Variants in HSPA1B observed in about 807,000 individuals in gnomAD.
HSPA1B encodes the protein heat shock protein family A (Hsp70) member 1B.
A neutral mutation model predicts 9.0 loss-of-function variants in HSPA1B; 7 were observed. The observed-to-expected ratio is 0.78, with a 90% CI of 0.44 to 1.46. The LOEUF (loss-of-function observed/expected upper bound fraction) is 1.46. Among genes scored for constraint, HSPA1B ranks in the 40% most tolerant of loss-of-function variants. The pLI is 0.01. For synonymous variants in HSPA1B, 125 were observed against 184.5 expected (o/e 0.68, Z 2.61); for missense variants, 199 against 424.5 (o/e 0.47, Z 4.67).
rs1324588594 is a variant in HSPA1B at position 31,827,798 on chromosome 6, C to T, written c.-153C>T. 9.4e-6 allele frequency: 14 copies of T among 1,496,982 alleles called. No individual in the cohort carries two copies. Among genetic ancestry groups the T allele is most frequent in the East Asian group, 2.4e-5 (1 of 41,054 alleles). 92.7% of individuals were successfully genotyped at this position (1,496,982 alleles called of 1,614,324 possible). On this transcript the variant is annotated 5_prime_UTR_variant, in exon 1 of 1. Coordinates refer to ENST00000375650, the MANE Select transcript of HSPA1B (RefSeq NM_005346.6). ...CTTCGTCTTTCGAGAGTGACTCCCG[C>T]GGTCCCAAGGCTTTCCAGAGCGAAC... is the stretch of plus-strand genomic sequence containing the variant.
chr6:31,828,310 G>A lies in HSPA1B; in HGVS notation c.360G>A (p.Ser120=). ...AGGCATTCTACCCCGAGGAGATCTCGTCCATGGTGCTGACCAAGATGAAGG... is the reference window on the plus strand; with the variant it reads ...AGGCATTCTACCCCGAGGAGATCTCATCCATGGTGCTGACCAAGATGAAGG... ...ETKAFYPEEI[S]SMVLTKMKEI... The change falls in exon 1 of 1, where the codon TCG becomes TCA. Residue 120 remains serine (S), a synonymous_variant. Transcript: ENST00000375650. 1.9e-6 allele frequency: 1 copy of A among 527,954 alleles called. No individual in the cohort carries two copies. Among genetic ancestry groups the A allele is most frequent in the African/African-American group, 5.8e-5 (1 of 17,314 alleles). 32.7% of individuals were successfully genotyped at this position (527,954 alleles called of 1,614,324 possible). A position where few individuals can be genotyped will look rare whatever the true frequency, so the allele number is the denominator to read the frequency against.
rs11576013 is a variant in HSPA1B, at chr6:31,827,784, G to C, written c.-167G>C. Reference sequence around the variant, plus strand: ...GCTGCGAGGGTCCGCTTCGTCTTTCGAGAGTGACTCCCGCGGTCCCAAGGC... The same window carrying C: ...GCTGCGAGGGTCCGCTTCGTCTTTCCAGAGTGACTCCCGCGGTCCCAAGGC... On this transcript the variant is annotated 5_prime_UTR_variant, in exon 1 of 1. Coordinates refer to ENST00000375650, the MANE Select transcript of HSPA1B (RefSeq NM_005346.6). The C allele has an allele frequency of 0.02, 29,069 of 1,442,108 alleles. 678 individuals are homozygous for C. The highest frequency in any genetic ancestry group is 0.082 in the East Asian group (3,330 of 40,518). The allele number at this position is 1,442,108 out of a possible 1,614,324, so 89.3% of individuals were successfully genotyped here.
In HSPA1B at chr6:31,829,980, T is replaced by G. The variant is rs1816919911; in HGVS notation, c.*104T>G. The G allele has an allele frequency of 7.1e-6, 10 of 1,405,578 alleles. No individual in the cohort carries two copies. Among genetic ancestry groups the G allele is most frequent in the African/African-American group, 1.8e-5 (1 of 54,448 alleles). The allele number at this position is 1,405,578 out of a possible 1,614,324, so 87.1% of individuals were successfully genotyped here. A position where few individuals can be genotyped will look rare whatever the true frequency, so the allele number is the denominator to read the frequency against. ...ATTTCTGCTTCAGCTCTTTGCTGCTTCACTTCTTTGTAAAGTTGTAACCTG... is the reference window on the plus strand; with the variant it reads ...ATTTCTGCTTCAGCTCTTTGCTGCTGCACTTCTTTGTAAAGTTGTAACCTG... On this transcript the variant is annotated 3_prime_UTR_variant, in exon 1 of 1. Transcript: ENST00000375650.
In HSPA1B at chr6:31,830,146, GTTTTTTT is replaced by G. The variant is rs9279427; in HGVS notation, c.*288_*294del. 225 of 83,940 alleles carry G rather than the reference GTTTTTTT, an allele frequency of 2.7e-3. No homozygotes were observed. Among genetic ancestry groups the G allele is most frequent in the Middle Eastern group, 8.1e-3 (1 of 124 alleles). 5.2% of individuals were successfully genotyped at this position (83,940 alleles called of 1,614,324 possible). A position where few individuals can be genotyped will look rare whatever the true frequency, so the allele number is the denominator to read the frequency against. ...TGCCACCTTCTGTACGAGTTTGTTT[GTTTTTTT>G]TTTTTTTTTTTTTTTTTGCTTGGCG... On this transcript the variant is annotated 3_prime_UTR_variant, in exon 1 of 1. Coordinates refer to ENST00000375650, the MANE Select transcript of HSPA1B (RefSeq NM_005346.6).
At position 31,829,859 on chromosome 6, in the gene HSPA1B, A is replaced by G. The variant is rs1323733082; in HGVS notation, c.1909A>G (p.Ile637Val). The G allele has an allele frequency of 1.9e-6, 3 of 1,612,550 alleles. No individual in the cohort carries two copies. The highest frequency in any genetic ancestry group is 1.7e-5 in the Admixed American group (1 of 59,938). ...PKGGSGSGPT[I>V]EEVD is the part of the protein sequence containing the mutation. ...GGGAGGGTCTGGGTCAGGCCCTACC[A>G]TTGAGGAGGTGGATTAGGGGCCTTT... is the stretch of plus-strand genomic sequence containing the variant. Residue 637 changes from isoleucine to valine, a missense_variant, in exon 1 of 1, where the codon ATT becomes GTT. By Grantham distance (29) the Ile-to-Val change is conservative (BLOSUM62 3). Around this residue, in one of 5 missense-constraint regions of HSPA1B, gnomAD observed 67 missense variants for 106.4 expected, o/e 0.63. Transcript: ENST00000375650.
Position 31,830,103 on chromosome 6 carries a change from CT to C in HSPA1B, c.*230del. The C allele has an allele frequency of 2.0e-6, 1 of 489,750 alleles. No individual in the cohort carries two copies. 30.3% of individuals were successfully genotyped at this position (489,750 alleles called of 1,614,324 possible). A position where few individuals can be genotyped will look rare whatever the true frequency, so the allele number is the denominator to read the frequency against. On this transcript the variant is annotated 3_prime_UTR_variant, in exon 1 of 1. Coordinates refer to ENST00000375650, the MANE Select transcript of HSPA1B (RefSeq NM_005346.6). Reference sequence around the variant, plus strand: ...TGATACTGTAAGGGTGTTTCGTTCCCTTTAAATGAATCAACACTGCCACCTT... The same window carrying C: ...TGATACTGTAAGGGTGTTTCGTTCCCTTAAATGAATCAACACTGCCACCTT...
chr6:31,830,081 T>TA lies in HSPA1B; in HGVS notation c.*206dup, dbSNP rs1360431140. The stretch of plus-strand genomic sequence containing the variant: ...TAGAATTCTTTGCATTTAATGTTGA[T>TA]ACTGTAAGGGTGTTTCGTTCCCTTT... On this transcript the variant is annotated 3_prime_UTR_variant, in exon 1 of 1. Coordinates refer to ENST00000375650, the MANE Select transcript of HSPA1B (RefSeq NM_005346.6). 5 of 653,728 alleles carry TA rather than the reference T, an allele frequency of 7.6e-6. No individual in the cohort carries two copies. The East Asian group carries it at 1.1e-4, about 15-fold the overall frequency. 40.5% of individuals were successfully genotyped at this position (653,728 alleles called of 1,614,324 possible).
In HSPA1B at chr6:31,828,237, A is replaced by G. The variant is rs1816833451; in HGVS notation, c.287A>G (p.Asn96Ser). 1 of 929,892 alleles carries G rather than the reference A, an allele frequency of 1.1e-6. No homozygotes were observed. The highest frequency in any genetic ancestry group is 2.5e-5 in the African/African-American group (1 of 40,190). 57.6% of individuals were successfully genotyped at this position (929,892 alleles called of 1,614,324 possible). ...DMKHWPFQVI[N>S]DGDKPKVQVS... ...AAGCACTGGCCTTTCCAGGTGATCA[A>G]CGACGGAGACAAGCCCAAGGTGCAG... Residue 96 changes from asparagine (N) to serine (S), a missense_variant, in exon 1 of 1, where the codon AAC becomes AGC. Asn to Ser is a conservative substitution (Grantham distance 46). Around this residue, in one of 5 missense-constraint regions of HSPA1B, gnomAD observed 49 missense variants for 40.0 expected, o/e 1.23. Coordinates refer to ENST00000375650, the MANE Select transcript of HSPA1B (RefSeq NM_005346.6).
chr6:31,830,107 AAATG>A lies in HSPA1B; in HGVS notation c.*235_*238del. On this transcript the variant is annotated 3_prime_UTR_variant, in exon 1 of 1. Coordinates refer to ENST00000375650, the MANE Select transcript of HSPA1B (RefSeq NM_005346.6). Reference sequence around the variant, plus strand: ...ACTGTAAGGGTGTTTCGTTCCCTTTAAATGAATCAACACTGCCACCTTCTGTACG... The same window carrying A: ...ACTGTAAGGGTGTTTCGTTCCCTTTAAATCAACACTGCCACCTTCTGTACG... 1 of 495,030 alleles carries A rather than the reference AAATG, an allele frequency of 2.0e-6. No homozygotes were observed. Among genetic ancestry groups the A allele is most frequent in the Non-Finnish European group, 3.5e-6 (1 of 282,318 alleles). The allele number at this position is 495,030 out of a possible 1,614,324, so 30.7% of individuals were successfully genotyped here. A position where few individuals can be genotyped will look rare whatever the true frequency, so the allele number is the denominator to read the frequency against.
In HSPA1B at chr6:31,829,772, A is replaced by C. The variant is rs1458733792; in HGVS notation, c.1822A>C (p.Ser608Arg). ...ELEQVCNPII[S>R]GLYQGAGGPG... The stretch of plus-strand genomic sequence containing the variant: ...GGAGCAGGTGTGTAACCCCATCATC[A>C]GCGGACTGTACCAGGGTGCCGGTGG... The change falls in exon 1 of 1, where the codon AGC (serine) becomes CGC (arginine). Residue 608 changes from serine to arginine, a missense_variant. Ser to Arg is a moderately radical substitution (Grantham distance 110). This residue lies in a region of HSPA1B where 67 missense variants were observed against 106.4 expected (regional missense o/e 0.63). Transcript: ENST00000375650. The C allele has an allele frequency of 1.2e-6, 2 of 1,612,510 alleles. No homozygotes were observed. Among genetic ancestry groups the C allele is most frequent in the Non-Finnish European group, 1.7e-6 (2 of 1,179,954 alleles).
At position 31,829,960 on chromosome 6, in the gene HSPA1B, T is replaced by C; in HGVS notation, c.*84T>C. On this transcript the variant is annotated 3_prime_UTR_variant, in exon 1 of 1. Coordinates refer to ENST00000375650, the MANE Select transcript of HSPA1B (RefSeq NM_005346.6). Reference sequence around the variant, plus strand: ...TGCTGCTGTTTTCCTATGTCATTTCTGCTTCAGCTCTTTGCTGCTTCACTT... The same window carrying C: ...TGCTGCTGTTTTCCTATGTCATTTCCGCTTCAGCTCTTTGCTGCTTCACTT... 6.6e-7 allele frequency: 1 copy of C among 1,507,482 alleles called. No homozygotes were observed. The highest frequency in any genetic ancestry group is 1.8e-4 in the Middle Eastern group (1 of 5,538). 93.4% of individuals were successfully genotyped at this position (1,507,482 alleles called of 1,614,324 possible). A position where few individuals can be genotyped will look rare whatever the true frequency, so the allele number is the denominator to read the frequency against.
rs3036297 is a variant in HSPA1B at position 31,829,992 on chromosome 6, A to AAAGTT, written c.*117_*121dup. On this transcript the variant is annotated 3_prime_UTR_variant, in exon 1 of 1. Transcript: ENST00000375650. The stretch of plus-strand genomic sequence containing the variant: ...GCTCTTTGCTGCTTCACTTCTTTGT[A>AAAGTT]AAGTTGTAACCTGATGGTAATTAGC... 469,966 of 1,298,032 alleles carry AAAGTT rather than the reference A, an allele frequency of 0.36. 93,004 individuals are homozygous for AAAGTT. The highest frequency in any genetic ancestry group is 0.66 in the African/African-American group (44,034 of 66,924). 80.4% of individuals were successfully genotyped at this position (1,298,032 alleles called of 1,614,324 possible). A position where few individuals can be genotyped will look rare whatever the true frequency, so the allele number is the denominator to read the frequency against.
Position 31,828,096 on chromosome 6 carries a change from G to T in HSPA1B, c.146G>T (p.Arg49Leu), listed in dbSNP as rs750633019. The change falls in exon 1 of 1, where the codon CGG becomes CTG. Residue 49 changes from arginine to leucine, a missense_variant. By Grantham distance (102) the Arg-to-Leu change is moderately radical. Transcript: ENST00000375650. ...PSYVAFTDTE[R>L]LIGDAAKNQV... ...TACGTGGCCTTCACGGACACCGAGC[G>T]GCTCATCGGGGATGCGGCCAAGAAC... 1.9e-6 allele frequency: 3 copies of T among 1,593,360 alleles called. No individual in the cohort carries two copies. The Admixed American group carries it at 5.2e-5, about 28-fold the overall frequency.
rs997860041 is a variant in HSPA1B, at chr6:31,827,764, G to T, written c.-187G>T. On this transcript the variant is annotated 5_prime_UTR_variant, in exon 1 of 1. Transcript: ENST00000375650. ...AACGGCCAGCCTGAGGAGCTGCTGC[G>T]AGGGTCCGCTTCGTCTTTCGAGAGT... 1.5e-6 allele frequency: 2 copies of T among 1,323,058 alleles called. No homozygotes were observed. The highest frequency in any genetic ancestry group is 2.1e-6 in the Non-Finnish European group (2 of 948,926). The allele number at this position is 1,323,058 out of a possible 1,614,324, so 82.0% of individuals were successfully genotyped here. A position where few individuals can be genotyped will look rare whatever the true frequency, so the allele number is the denominator to read the frequency against.
At position 31,828,202 on chromosome 6, in the gene HSPA1B, G is replaced by A. The variant is rs1176119168; in HGVS notation, c.252G>A (p.Gln84=). Residue 84 remains glutamine (Q), a synonymous_variant, in exon 1 of 1, where the codon CAG becomes CAA. Transcript: ENST00000375650. ...IGRKFGDPVV[Q]SDMKHWPFQV... ...GCAAGTTCGGCGACCCGGTGGTGCA[G>A]TCGGACATGAAGCACTGGCCTTTCC... is the stretch of plus-strand genomic sequence containing the variant. 8.1e-7 allele frequency: 1 copy of A among 1,233,732 alleles called. No homozygotes were observed. The highest frequency in any genetic ancestry group is 1.1e-6 in the Non-Finnish European group (1 of 908,134). The allele number at this position is 1,233,732 out of a possible 1,614,324, so 76.4% of individuals were successfully genotyped here.
In HSPA1B at chr6:31,828,229, G is replaced by A; in HGVS notation, c.279G>A (p.Gln93=). 1 of 994,058 alleles carries A rather than the reference G, an allele frequency of 1.0e-6. No individual in the cohort carries two copies. The highest frequency in any genetic ancestry group is 1.4e-6 in the Non-Finnish European group (1 of 707,114). 61.6% of individuals were successfully genotyped at this position (994,058 alleles called of 1,614,324 possible). A position where few individuals can be genotyped will look rare whatever the true frequency, so the allele number is the denominator to read the frequency against. Reference sequence around the variant, plus strand: ...CGGACATGAAGCACTGGCCTTTCCAGGTGATCAACGACGGAGACAAGCCCA... The same window carrying A: ...CGGACATGAAGCACTGGCCTTTCCAAGTGATCAACGACGGAGACAAGCCCA... ...VQSDMKHWPF[Q]VINDGDKPKV... The change falls in exon 1 of 1, where the codon CAG becomes CAA. Residue 93 remains glutamine (Q), a synonymous_variant. Transcript: ENST00000375650.
At position 31,830,141 on chromosome 6, in the gene HSPA1B, TGTTTG is replaced by T. The variant is rs1816934170; in HGVS notation, c.*266_*270del. On this transcript the variant is annotated 3_prime_UTR_variant, in exon 1 of 1. Transcript: ENST00000375650. ...AACACTGCCACCTTCTGTACGAGTT[TGTTTG>T]TTTTTTTTTTTTTTTTTTTTTTTTG... 5.9e-5 allele frequency: 14 copies of T among 236,424 alleles called. No individual in the cohort carries two copies. Among genetic ancestry groups the T allele is most frequent in the Admixed American group, 2.0e-4 (3 of 15,222 alleles). The allele number at this position is 236,424 out of a possible 1,614,324, so 14.6% of individuals were successfully genotyped here.
In HSPA1B at chr6:31,830,068, C is replaced by A; in HGVS notation, c.*192C>A. On this transcript the variant is annotated 3_prime_UTR_variant, in exon 1 of 1. Transcript: ENST00000375650. ...CCGATATGTTCATTAGAATTCTTTG[C>A]ATTTAATGTTGATACTGTAAGGGTG... 2 of 672,114 alleles carry A rather than the reference C, an allele frequency of 3.0e-6. No individual in the cohort carries two copies. The highest frequency in any genetic ancestry group is 5.0e-6 in the Non-Finnish European group (2 of 403,978). The allele number at this position is 672,114 out of a possible 1,614,324, so 41.6% of individuals were successfully genotyped here.
Position 31,830,039 on chromosome 6 carries a change from A to G in HSPA1B, c.*163A>G. Reference sequence around the variant, plus strand: ...TAGCTGGCTTCATTATTTTTGTAGTACAACCGATATGTTCATTAGAATTCT... The same window carrying G: ...TAGCTGGCTTCATTATTTTTGTAGTGCAACCGATATGTTCATTAGAATTCT... On this transcript the variant is annotated 3_prime_UTR_variant, in exon 1 of 1. Coordinates refer to ENST00000375650, the MANE Select transcript of HSPA1B (RefSeq NM_005346.6). 2.4e-6 allele frequency: 2 copies of G among 839,148 alleles called. No homozygotes were observed. The highest frequency in any genetic ancestry group is 3.7e-6 in the Non-Finnish European group (2 of 533,852). The allele number at this position is 839,148 out of a possible 1,614,324, so 52.0% of individuals were successfully genotyped here.
Sources: allele counts gnomAD v4.1 joint callset, GRCh38; gene constraint gnomAD v4.1.1; regional missense constraint gnomAD v4.1.1; transcripts MANE v1.5; gene names NCBI Gene and HGNC (gene_info 2026-07-23, HGNC 2026-07-21).